Variants in KNTC1 observed in about 807,000 individuals in gnomAD.
The protein encoded by KNTC1 is kinetochore associated 1.
KNTC1 carries 253 observed loss-of-function variants against 314.4 expected under a neutral mutation model. The ratio of observed to expected loss-of-function variants is 0.80; its 90% CI spans 0.73 to 0.89. The LOEUF is 0.89. Ranked by LOEUF, KNTC1 falls within the 40% of genes least tolerant of loss-of-function variation. The pLI, the probability that KNTC1 is intolerant of heterozygous loss-of-function variation, is 0.00. For synonymous variants in KNTC1, 901 were observed against 901.4 expected, an observed-to-expected ratio of 1.00 and a Z score of 0.01; for missense variants, 2,475 against 2,572.9, an observed-to-expected ratio of 0.96 and a Z score of 0.82.
At chr12:122,596,823 C>T (rs532356337) in intron 43 of KNTC1, among the ~76,000 whole-genome samples, 175 of 152,158 alleles carry the variant, frequency 1.2e-3, no homozygotes, top group Non-Finnish European at 1.9e-3. Context: ...GCCTGGGGAA[C>T]AGAATGAGAC....
Position 122,590,693 on chromosome 12 carries a change from G to A in KNTC1, c.4086G>A (p.Trp1362Ter). The A allele has an allele frequency of 6.2e-7, 1 of 1,613,442 alleles. No individual in the cohort carries two copies. Among genetic ancestry groups the A allele is most frequent in the African/African-American group, 1.3e-5 (1 of 74,988 alleles). Reference protein sequence around the residue: ...LPQKDVFENLWKLIDKAWQNY... With the variant: ...LPQKDVFENL ...AAAAAGATGTGTTTGAAAATCTCTG[G>A]AAGCTCATAGATAAAGCATGGCAGA... Residue 1362 changes from tryptophan to a stop codon, truncating the protein, a stop_gained, in exon 41 of 64, where the codon TGG (tryptophan) becomes TGA (stop). Transcript: ENST00000333479. LOFTEE classifies it high-confidence loss of function.
chr12:122,548,033 A>G, intron 12 of KNTC1, 64 bp downstream of exon 12: 7 of 994,826 alleles, frequency 7.0e-6, no homozygotes, highest in South Asian at 1.6e-5. Flanking sequence ...TAGTGAATAC[A>G]AAAGTAGATG....
At chr12:122,590,953 C>A (rs1870106892) in intron 41 of KNTC1, among the ~76,000 whole-genome samples, 1 of 151,964 alleles carries the variant, frequency 6.6e-6, no homozygotes, top group Non-Finnish European at 1.5e-5. Flanking sequence ...TTTTTAATTT[C>A]TTAAAATCTG....
intron 55 of KNTC1, among the ~76,000 whole-genome samples, chr12:122,614,265 A>G (rs904754878): frequency 6.6e-6 from 1 of 152,180 alleles, no homozygotes; most frequent in African/African-American, 2.4e-5. Context: ...AGCTAAAGTC[A>G]TCCCTGCCAA....
chr12:122,625,999 T>C (rs552519113), intron 63 of KNTC1, among the ~76,000 whole-genome samples: 2 of 152,188 alleles, frequency 1.3e-5, no homozygotes, highest in Admixed American at 6.5e-5. Flanking sequence ...TGCCATAAGA[T>C]TACTTTTTTT....
At chr12:122,554,076 A>AAAAATATATATAT (rs370146333) in intron 16 of KNTC1, among the ~76,000 whole-genome samples, 5 of 109,064 alleles carry the variant, frequency 4.6e-5, no homozygotes, top group African/African-American at 1.2e-4. Flanking sequence ...AAAAAAAAAA[A>AAAAATATATATAT]ATATATATAT....
intron 20 of KNTC1, among the ~76,000 whole-genome samples, chr12:122,566,263 A>G (rs890671769): frequency 4.0e-5 from 6 of 149,840 alleles, no homozygotes; most frequent in African/African-American, 1.2e-4. Context: ...TTTTTTTTCA[A>G]TGAGACAGAG....
At position 122,601,628 on chromosome 12, in the gene KNTC1, A is replaced by AT. The variant is rs148770178; in HGVS notation, c.4653+4dup. ...TAACCAATATTAATATTAATCAGGTATAACAAATATATCAAAGATGTAAAA... is the reference window on the plus strand; with the variant it reads ...TAACCAATATTAATATTAATCAGGTATTAACAAATATATCAAAGATGTAAAA... On this transcript the variant is annotated splice_donor_region_variant and intron_variant, in intron 45 of 63. Coordinates refer to ENST00000333479, the MANE Select transcript of KNTC1 (RefSeq NM_014708.6). The AT allele has an allele frequency of 5.9e-3, 8,853 of 1,491,034 alleles. 168 individuals are homozygous for AT. In the African/African-American group the frequency reaches 0.061, roughly 10 times the overall value. The allele number at this position is 1,491,034 out of a possible 1,614,324, so 92.4% of individuals were successfully genotyped here. A position where few individuals can be genotyped will look rare whatever the true frequency, so the allele number is the denominator to read the frequency against.
In KNTC1 at chr12:122,611,157, GTGGTTAACTCCC is replaced by G. The variant is rs1433082382; in HGVS notation, c.5622+262_5622+273del. 24 of 460,290 alleles carry G rather than the reference GTGGTTAACTCCC, an allele frequency of 5.2e-5. No individual in the cohort carries two copies. The South Asian group carries it at 5.9e-4, about 11-fold the overall frequency. The allele number at this position is 460,290 out of a possible 1,614,324, so 28.5% of individuals were successfully genotyped here. On this transcript the variant is annotated intron_variant, in intron 53 of 63. Coordinates refer to ENST00000333479, the MANE Select transcript of KNTC1 (RefSeq NM_014708.6). ...TTTCCACTGGCTGTCTGCATTCACA[GTGGTTAACTCCC>G]TGGTCAGTCCACATTCCTGAAGCCA...
In KNTC1 at chr12:122,562,681, T is replaced by G; in HGVS notation, c.1586T>G (p.Phe529Cys). 2 of 1,610,086 alleles carry G rather than the reference T, an allele frequency of 1.2e-6. No homozygotes were observed. Among genetic ancestry groups the G allele is most frequent in the East Asian group, 4.5e-5 (2 of 44,846 alleles). Residue 529 changes from phenylalanine (F) to cysteine (C), a missense_variant, in exon 20 of 64, where the codon TTT becomes TGT. Coordinates refer to ENST00000333479, the MANE Select transcript of KNTC1 (RefSeq NM_014708.6). ...HAKLTTFYGA[F>C]GPEKFSGSSW... ...AAATTGACTACTTTTTATGGAGCATTTGGACCAGAAAAATTCAGGTGTGTA... is the reference window on the plus strand; with the variant it reads ...AAATTGACTACTTTTTATGGAGCATGTGGACCAGAAAAATTCAGGTGTGTA...
Position 122,574,290 on chromosome 12 carries a change from G to C in KNTC1, c.2292G>C (p.Leu764=). Residue 764 remains leucine (L), a synonymous_variant, in exon 27 of 64, where the codon CTG becomes CTC. Transcript: ENST00000333479. Reference sequence around the variant, plus strand: ...TGTTTATCCCTTTTTAGGATTTACTGAATAGATGCAGCTCAAAGTCCACAT... The same window carrying C: ...TGTTTATCCCTTTTTAGGATTTACTCAATAGATGCAGCTCAAAGTCCACAT... The part of the protein sequence containing the change: ...ELLLLYIEDL[L]NRCSSKSTSL... 6.3e-7 allele frequency: 1 copy of C among 1,597,128 alleles called. No homozygotes were observed. Among genetic ancestry groups the C allele is most frequent in the South Asian group, 1.1e-5 (1 of 89,460 alleles).
chr12:122,592,419 C>A (rs550492722), intron 42 of KNTC1, among the ~76,000 whole-genome samples: 1 of 152,218 alleles, frequency 6.6e-6, no homozygotes, highest in African/African-American at 2.4e-5. Flanking sequence ...GCGCACGGCA[C>A]GGGACTGGCA....
At chr12:122,621,301 G>A (rs566235514) in intron 60 of KNTC1, among the ~76,000 whole-genome samples, 1 of 152,222 alleles carries the variant, frequency 6.6e-6, no homozygotes, top group Admixed American at 6.5e-5. Flanking sequence ...AGATATACCA[G>A]TAGATAGAGA....
Position 122,539,660 on chromosome 12 carries a change from A to G in KNTC1, c.367-16A>G. 6.7e-7 allele frequency: 1 copy of G among 1,498,142 alleles called. No individual in the cohort carries two copies. Among genetic ancestry groups the G allele is most frequent in the Non-Finnish European group, 9.0e-7 (1 of 1,112,086 alleles). 92.8% of individuals were successfully genotyped at this position (1,498,142 alleles called of 1,614,324 possible). A position where few individuals can be genotyped will look rare whatever the true frequency, so the allele number is the denominator to read the frequency against. ...TCTATGTTTAATTTTATTATTTGAA[A>G]TTAATTTGCATTTAGGCATTTGTTC... On this transcript the variant is annotated splice_polypyrimidine_tract_variant and intron_variant, in intron 4 of 63. Transcript: ENST00000333479.
At chr12:122,597,969 C>G (rs1205025532) in intron 44 of KNTC1, 31 bp downstream of exon 44, 1 of 1,540,076 alleles carries the variant, frequency 6.5e-7, no homozygotes, top group Non-Finnish European at 9.0e-7. Context: ...ATCGGGTCAT[C>G]TCAGCCATCC....
chr12:122,571,351 ATATT>A (rs1034003986), intron 24 of KNTC1, among the ~76,000 whole-genome samples: 13 of 150,672 alleles, frequency 8.6e-5, no homozygotes, highest in South Asian at 2.1e-4. Context: ...ATTTATTTAT[ATATT>A]TATTTATTTA....
chr12:122,603,332 A>G lies in KNTC1; in HGVS notation c.5101+89A>G, dbSNP rs7308251. The G allele has an allele frequency of 1.1e-5, 10 of 933,788 alleles. No individual in the cohort carries two copies. The East Asian group carries it at 2.6e-4, about 25-fold the overall frequency. 57.8% of individuals were successfully genotyped at this position (933,788 alleles called of 1,614,324 possible). Reference sequence around the variant, plus strand: ...AAGGAGAAGCAGGATGGTAGTTTTCAAATGTATTTGCTTGCTCTCTTAACT... The same window carrying G: ...AAGGAGAAGCAGGATGGTAGTTTTCGAATGTATTTGCTTGCTCTCTTAACT... On this transcript the variant is annotated intron_variant, in intron 48 of 63. Coordinates refer to ENST00000333479, the MANE Select transcript of KNTC1 (RefSeq NM_014708.6).
intron 20 of KNTC1, 35 bp downstream of exon 20, chr12:122,562,734 G>GCGTGAGACAC: frequency 7.6e-7 from 1 of 1,310,298 alleles, no homozygotes; most frequent in Non-Finnish European, 1.1e-6. Context: ...TTTAGGCCAG[G>GCGTGAGACAC]CATGGTGTCT....
chr12:122,618,461 G>GTTTT, intron 58 of KNTC1, 21 bp from the exon 59 acceptor site: 4 of 1,558,914 alleles, frequency 2.6e-6, no homozygotes, highest in South Asian at 2.3e-5. Flanking sequence ...TATCATGGTT[G>GTTTT]TTTTTTTGTT....
Sources: gnomAD v4.1 joint callset for allele counts (sites outside exome capture counted in the v4.1 genomes callset) on GRCh38, gnomAD v4.1.1 for gene constraint, MANE v1.5 for transcripts, NCBI Gene and HGNC (gene_info 2026-07-23, HGNC 2026-07-21) for gene names.